SEC23IP: variants seen among roughly 807,000 people sequenced by gnomAD.
SEC23IP encodes the protein SEC23-interacting protein.
A neutral mutation model predicts 113.4 loss-of-function variants in SEC23IP; 70 were observed. The observed-to-expected ratio is 0.62, with a 90% CI of 0.51 to 0.75. The LOEUF (loss-of-function observed/expected upper bound fraction) is 0.75, where lower values mean the gene tolerates loss of function less well. Ranked by LOEUF, SEC23IP falls within the 30% of genes least tolerant of loss-of-function variation. SEC23IP has a pLI of 0.00. For missense variants in SEC23IP, 1,160 were observed against 1,204.9 expected (o/e 0.96, Z 0.55); for synonymous variants, 398 against 421.0 (o/e 0.95, Z 0.67).
intron 12 of SEC23IP, among the ~76,000 whole-genome samples, chr10:119,923,915 A>G (rs1224519693): frequency 1.3e-5 from 2 of 151,902 alleles, no homozygotes; most frequent in Non-Finnish European, 2.9e-5. Flanking sequence ...TAACAAAGCA[A>G]CTCTTGGCAA....
intron 6 of SEC23IP, among the ~76,000 whole-genome samples, chr10:119,912,754 C>A (rs1042415260): frequency 1.5e-4 from 22 of 151,498 alleles, no homozygotes; most frequent in Non-Finnish European, 2.2e-4. Flanking sequence ...GATTCTCTTG[C>A]CTCAGCCTCC....
intron 18 of SEC23IP, among the ~76,000 whole-genome samples, chr10:119,937,710 A>G (rs1855843358): frequency 6.6e-6 from 1 of 151,580 alleles, no homozygotes; most frequent in African/African-American, 2.4e-5. Context: ...TTTTCTTTTT[A>G]GTTCTTTTTT....
intron 2 of SEC23IP, among the ~76,000 whole-genome samples, chr10:119,900,825 A>C (rs1854466876): frequency 1.3e-5 from 2 of 152,122 alleles, no homozygotes; most frequent in South Asian, 4.1e-4. Context: ...GTTTTTGTAG[A>C]AAATTTGAAA....
At chr10:119,924,863 C>T (rs1174405123) in intron 12 of SEC23IP, among the ~76,000 whole-genome samples, 4 of 152,100 alleles carry the variant, frequency 2.6e-5, no homozygotes, top group Admixed American at 6.5e-5. Flanking sequence ...CTGCAGCCTC[C>T]ACCTCCTGGG....
In SEC23IP at chr10:119,915,738, T is replaced by TTA; in HGVS notation, c.1403-10_1403-9insTA. ...TAATTTATTTTCTCTTTTTTTTTTT[T>TTA]CTTTTGAAGTGGATGATTTTAGGGT... is the stretch of plus-strand genomic sequence containing the variant. On this transcript the variant is annotated splice_polypyrimidine_tract_variant and intron_variant, in intron 7 of 18. Coordinates refer to ENST00000369075, the MANE Select transcript of SEC23IP (RefSeq NM_007190.4). The TTA allele has an allele frequency of 6.6e-7, 1 of 1,519,324 alleles. No individual in the cohort carries two copies. Among genetic ancestry groups the TTA allele is most frequent in the South Asian group, 1.3e-5 (1 of 74,486 alleles). The allele number at this position is 1,519,324 out of a possible 1,614,324, so 94.1% of individuals were successfully genotyped here. A position where few individuals can be genotyped will look rare whatever the true frequency, so the allele number is the denominator to read the frequency against.
chr10:119,929,795 TC>T lies in SEC23IP; in HGVS notation c.2469+35del, dbSNP rs764954005. 5 of 1,484,398 alleles carry T rather than the reference TC, an allele frequency of 3.4e-6. No individual in the cohort carries two copies. In the East Asian group the frequency reaches 1.1e-4, roughly 34 times the overall value. 92.0% of individuals were successfully genotyped at this position (1,484,398 alleles called of 1,614,324 possible). A position where few individuals can be genotyped will look rare whatever the true frequency, so the allele number is the denominator to read the frequency against. ...ATTGAATTTACTTTGTTTTTTAAAA[TC>T]CTTTTTTCTTTTTTAAACATTTTTT... is the stretch of plus-strand genomic sequence containing the variant. On this transcript the variant is annotated intron_variant, in intron 14 of 18. Transcript: ENST00000369075.
At chr10:119,933,900 C>T (rs1198429480) in intron 18 of SEC23IP, 113 bp downstream of exon 18, 14 of 492,974 alleles carry the variant, frequency 2.8e-5, no homozygotes, top group East Asian at 9.7e-5. Context: ...GAGTTTTTGT[C>T]GTCGTTTTTA....
chr10:119,908,960 A>G, intron 4 of SEC23IP, 81 bp from the exon 5 acceptor site: 1 of 893,050 alleles, frequency 1.1e-6, no homozygotes, highest in Non-Finnish European at 1.8e-6. Flanking sequence ...TCACCATTAT[A>G]GTGACCGTTT....
At chr10:119,929,013 G>A (rs1220260680) in intron 13 of SEC23IP, among the ~76,000 whole-genome samples, 1 of 152,230 alleles carries the variant, frequency 6.6e-6, no homozygotes, top group Non-Finnish European at 1.5e-5. Context: ...AACTGAGGTG[G>A]AGGAGAGAGA....
In SEC23IP at chr10:119,936,588, TA is replaced by T. The variant is rs372782925; in HGVS notation, c.*20+2804del. On this transcript the variant is annotated intron_variant, in intron 18 of 18. Coordinates refer to ENST00000369075, the MANE Select transcript of SEC23IP (RefSeq NM_007190.4). ...AAGCTTTTTGATCCCTACATTTTGCTAAATTGCATTCCAGAAAAGTTGCTCA... is the reference window on the plus strand; with the variant it reads ...AAGCTTTTTGATCCCTACATTTTGCTAATTGCATTCCAGAAAAGTTGCTCA... Among the ~76,000 whole-genome samples, 405 of 149,494 alleles carry T rather than the reference TA, an allele frequency of 2.7e-3. 2 individuals carry two copies. The highest frequency in any genetic ancestry group is 9.5e-3 in the African/African-American group (387 of 40,948).
chr10:119,937,872 T>C (rs777701348), intron 18 of SEC23IP, among the ~76,000 whole-genome samples: 4 of 152,178 alleles, frequency 2.6e-5, no homozygotes, highest in Non-Finnish European at 1.5e-5. Flanking sequence ...TATTTTGCTG[T>C]TGTTTGACAT....
intron 11 of SEC23IP, among the ~76,000 whole-genome samples, chr10:119,919,865 A>G (rs1855189844): frequency 6.6e-6 from 1 of 152,242 alleles, no homozygotes; most frequent in African/African-American, 2.4e-5. Flanking sequence ...CATTTGCAAC[A>G]CACATTATAG....
chr10:119,902,285 G>A (rs1394982677), intron 2 of SEC23IP, among the ~76,000 whole-genome samples: 2 of 152,140 alleles, frequency 1.3e-5, no homozygotes, highest in African/African-American at 4.8e-5. Flanking sequence ...GAACTCGGGA[G>A]ACGGAGGCTG....
At chr10:119,902,341 C>T (rs567093663) in intron 2 of SEC23IP, among the ~76,000 whole-genome samples, 17 of 152,290 alleles carry the variant, frequency 1.1e-4, no homozygotes, top group African/African-American at 3.6e-4. Context: ...GAGCAAACTC[C>T]GCCTCACACA....
intron 13 of SEC23IP, among the ~76,000 whole-genome samples, chr10:119,928,457 G>C (rs193219614): frequency 6.6e-6 from 1 of 152,118 alleles, no homozygotes; most frequent in African/African-American, 2.4e-5. Context: ...TTGTTAGAAG[G>C]GGCAGCTTAG....
At chr10:119,924,280 C>A (rs1054650919) in intron 12 of SEC23IP, among the ~76,000 whole-genome samples, 2 of 152,130 alleles carry the variant, frequency 1.3e-5, no homozygotes, top group African/African-American at 4.8e-5. Flanking sequence ...CTGTTTAAAT[C>A]GAGACTAACA....
intron 12 of SEC23IP, among the ~76,000 whole-genome samples, chr10:119,925,296 C>T (rs901161184): frequency 6.6e-6 from 1 of 152,104 alleles, no homozygotes; most frequent in African/African-American, 2.4e-5. Flanking sequence ...TGGAATAGTT[C>T]GCCTATTTTA....
intron 1 of SEC23IP, among the ~76,000 whole-genome samples, chr10:119,897,505 A>T (rs1854317497): frequency 6.6e-6 from 1 of 152,232 alleles, no homozygotes. Flanking sequence ...AATGGCAATT[A>T]ATGGTTGACC....
intron 11 of SEC23IP, among the ~76,000 whole-genome samples, chr10:119,920,081 A>G (rs1249628094): frequency 6.6e-6 from 1 of 152,212 alleles, no homozygotes; most frequent in Non-Finnish European, 1.5e-5. Flanking sequence ...ACCAGTTTGA[A>G]AAAATAGGAA....
Sources: gnomAD v4.1 joint callset for allele counts (sites outside exome capture counted in the v4.1 genomes callset) on GRCh38, gnomAD v4.1.1 for gene constraint, MANE v1.5 for transcripts, NCBI Gene and HGNC (gene_info 2026-07-23, HGNC 2026-07-21) for gene names.